Variants in IREB2 observed in about 807,000 individuals in gnomAD.
IREB2 encodes the protein iron-responsive element-binding protein 2.
IREB2 carries 39 observed loss-of-function variants against 118.8 expected under a neutral mutation model. The observed-to-expected ratio is 0.33, with a 90% CI of 0.25 to 0.43. The LOEUF (loss-of-function observed/expected upper bound fraction) is 0.43. Ranked by LOEUF, IREB2 falls within the 20% of genes least tolerant of loss-of-function variation. The pLI is 1.00. For missense variants in IREB2, 900 were observed against 1,147.3 expected (o/e 0.78, Z 3.11); for synonymous variants, 372 against 392.2 (o/e 0.95, Z 0.61).
rs766801790 is a variant in IREB2 at position 78,497,196 on chromosome 15, C to T, written c.2666C>T (p.Ala889Val). The change falls in exon 21 of 22, where the codon GCT (alanine) becomes GTT (valine). Residue 889 changes from alanine (A) to valine (V), a missense_variant. Coordinates refer to ENST00000258886, the MANE Select transcript of IREB2 (RefSeq NM_004136.4). ...HKDHLIGIGI[A>V]PLQFLPGENA... ...GATCATTTGATTGGAATTGGCATAG[C>T]TCCACTTCAGTTCCTTCCAGGAGAA... 2.8e-5 allele frequency: 45 copies of T among 1,613,612 alleles called. No individual in the cohort carries two copies. The Middle Eastern group carries it at 4.9e-4, about 18-fold the overall frequency.
At chr15:78,441,167 A>T (rs1222858806) in intron 2 of IREB2, among the ~76,000 whole-genome samples, 1 of 152,192 alleles carries the variant, frequency 6.6e-6, no homozygotes, top group Non-Finnish European at 1.5e-5. Context: ...TTTTTTGTGT[A>T]TTGTGAAATA....
At chr15:78,470,642 A>G in intron 6 of IREB2, 41 bp downstream of exon 6, 1 of 950,144 alleles carries the variant, frequency 1.1e-6, no homozygotes, top group Non-Finnish European at 1.6e-6. Flanking sequence ...GTAATATATA[A>G]ACTAATGATA....
chr15:78,464,615 ACT>A (rs1186989228), intron 3 of IREB2, among the ~76,000 whole-genome samples: 1 of 152,004 alleles, frequency 6.6e-6, no homozygotes, highest in Non-Finnish European at 1.5e-5. Flanking sequence ...ATACAGTCAC[ACT>A]CTGTCACCTA....
At chr15:78,496,526 C>T (rs2051840278) in intron 20 of IREB2, among the ~76,000 whole-genome samples, 1 of 152,184 alleles carries the variant, frequency 6.6e-6, no homozygotes, top group Admixed American at 6.5e-5. Flanking sequence ...CCTCGGCCTC[C>T]CATAGTGCTG....
At chr15:78,467,498 C>T (rs1176534274) in intron 5 of IREB2, among the ~76,000 whole-genome samples, 1 of 152,138 alleles carries the variant, frequency 6.6e-6, no homozygotes, top group East Asian at 1.9e-4. Context: ...TCGAGGCCAG[C>T]CTGGCAAACA....
chr15:78,486,413 T>G (rs1346315699), intron 13 of IREB2, among the ~76,000 whole-genome samples: 1 of 152,162 alleles, frequency 6.6e-6, no homozygotes, highest in Non-Finnish European at 1.5e-5. Context: ...GAGACCAGCC[T>G]GGCCAATATG....
upstream of IREB2, chr15:78,437,721 G>A (rs1249738864): frequency 1.3e-5 from 2 of 152,728 alleles, no homozygotes; most frequent in East Asian, 1.9e-4. Context: ...GCTACCGGAG[G>A]GTAAGAAAAA....
At chr15:78,484,253 A>G (rs1596009762) in intron 11 of IREB2, among the ~76,000 whole-genome samples, 2 of 152,036 alleles carry the variant, frequency 1.3e-5, no homozygotes, top group South Asian at 4.2e-4. Context: ...TGATTTCTTG[A>G]CTTTTTGTTC....
In IREB2 at chr15:78,440,370, CT is replaced by C. The variant is rs35095780; in HGVS notation, c.106+500del. On this transcript the variant is annotated intron_variant, in intron 2 of 21. Transcript: ENST00000258886. ...TATATTTTATTTTCTCTTTTCTTTT[CT>C]TTTTTTTTTTGAGACAGAGTCTTGC... 3.9e-4 allele frequency among the ~76,000 whole-genome samples: 56 copies of C among 143,836 alleles called. 2 individuals carry two copies. In the South Asian group the frequency reaches 6.7e-3, roughly 17 times the overall value. The allele number at this position is 143,836 out of a possible 152,430, so 94.4% of individuals were successfully genotyped here.
At position 78,494,252 on chromosome 15, in the gene IREB2, A is replaced by G; in HGVS notation, c.2583A>G (p.Gly861=). 6.2e-7 allele frequency: 1 copy of G among 1,613,442 alleles called. No individual in the cohort carries two copies. The highest frequency in any genetic ancestry group is 8.5e-7 in the Non-Finnish European group (1 of 1,179,866). Residue 861 remains glycine (G), a synonymous_variant, in exon 20 of 22, where the codon GGA becomes GGG. Transcript: ENST00000258886. ...SGNSRDWAAK[G]PYLLGVKAVL... is the part of the protein sequence containing the mutation. The stretch of plus-strand genomic sequence containing the variant: ...ACTCCAGAGACTGGGCTGCCAAAGG[A>G]CCGTATTTACTGGTATTGAATCTTA...
At chr15:78,451,423 T>C (rs1242618035) in intron 2 of IREB2, among the ~76,000 whole-genome samples, 1 of 152,224 alleles carries the variant, frequency 6.6e-6, no homozygotes, top group African/African-American at 2.4e-5. Context: ...GCAACTGATG[T>C]ACTTTGTTTT....
intron 11 of IREB2, 87 bp from the exon 12 acceptor site, chr15:78,484,674 G>A: frequency 1.2e-6 from 1 of 867,578 alleles, no homozygotes; most frequent in Non-Finnish European, 1.8e-6. Flanking sequence ...ATCATCAAAT[G>A]TCCGGTATCT....
Position 78,473,443 on chromosome 15 carries a change from G to A in IREB2, c.1023+62G>A, listed in dbSNP as rs1272585838. The stretch of plus-strand genomic sequence containing the variant: ...ACATTATTTTTATAAAAATTGAAGA[G>A]CTCTATGAGAGCAGGGATTTGGGTT... On this transcript the variant is annotated intron_variant, in intron 8 of 21. Coordinates refer to ENST00000258886, the MANE Select transcript of IREB2 (RefSeq NM_004136.4). The A allele has an allele frequency of 2.8e-6, 4 of 1,436,642 alleles. No individual in the cohort carries two copies. The East Asian group carries it at 6.8e-5, about 24-fold the overall frequency. The allele number at this position is 1,436,642 out of a possible 1,614,324, so 89.0% of individuals were successfully genotyped here.
At chr15:78,495,114 T>TCA (rs1218614217) in intron 20 of IREB2, among the ~76,000 whole-genome samples, 1 of 152,202 alleles carries the variant, frequency 6.6e-6, no homozygotes, top group African/African-American at 2.4e-5. Flanking sequence ...CATTTCATAC[T>TCA]CACAGATGCT....
chr15:78,467,670 A>AGCAAGT (rs2051306820), intron 5 of IREB2, among the ~76,000 whole-genome samples: 1 of 152,114 alleles, frequency 6.6e-6, no homozygotes, highest in Admixed American at 6.6e-5. Context: ...AGCCTGGGTG[A>AGCAAGT]CAGAGCAAGA....
At chr15:78,464,785 C>G (rs1242311090) in intron 3 of IREB2, among the ~76,000 whole-genome samples, 1 of 152,116 alleles carries the variant, frequency 6.6e-6, no homozygotes, top group East Asian at 1.9e-4. Context: ...CTTATTTGGC[C>G]TTGTACCATT....
intron 2 of IREB2, among the ~76,000 whole-genome samples, chr15:78,457,587 A>G (rs1347020891): frequency 6.6e-6 from 1 of 152,148 alleles, no homozygotes; most frequent in Non-Finnish European, 1.5e-5. Context: ...AAGAAATCTC[A>G]GGCAATCCTG....
rs528291467 is a variant in IREB2, at chr15:78,458,536, A to C, written c.107-4386A>C. Among the ~76,000 whole-genome samples, 32 of 151,960 alleles carry C rather than the reference A, an allele frequency of 2.1e-4. 1 individual carries two copies. Among genetic ancestry groups the C allele is most frequent in the Non-Finnish European group, 3.8e-4 (26 of 67,952 alleles). On this transcript the variant is annotated intron_variant, in intron 2 of 21. Coordinates refer to ENST00000258886, the MANE Select transcript of IREB2 (RefSeq NM_004136.4). Reference sequence around the variant, plus strand: ...AATGATCCTCCAGCCTCACCTCCCAAAGTGCTAGGATTACAAGCATGAGCC... The same window carrying C: ...AATGATCCTCCAGCCTCACCTCCCACAGTGCTAGGATTACAAGCATGAGCC...
At chr15:78,488,463 A>G in intron 15 of IREB2, 127 bp downstream of exon 15, 2 of 990,592 alleles carry the variant, frequency 2.0e-6, no homozygotes, top group African/African-American at 1.7e-5. Context: ...GATAATGTAT[A>G]GTTATTAATT....
Sources: gnomAD v4.1 joint callset for allele counts (sites outside exome capture counted in the v4.1 genomes callset) on GRCh38, gnomAD v4.1.1 for gene constraint, MANE v1.5 for transcripts, NCBI Gene and HGNC (gene_info 2026-07-23, HGNC 2026-07-21) for gene names.